The following YAF2 variants were observed in gnomAD, a reference collection of about 807,000 sequenced individuals.
YAF2 encodes the protein YY1-associated factor 2.
In YAF2, 7 loss-of-function variants were observed where a neutral mutation model predicts 20.1. That is an observed-to-expected ratio of 0.35 (90% confidence interval 0.20 to 0.65). The LOEUF (loss-of-function observed/expected upper bound fraction) is 0.65. Ranked by LOEUF, YAF2 falls within the 30% of genes least tolerant of loss-of-function variation. The pLI is 0.69. For synonymous variants in YAF2, 74 were observed against 76.0 expected, an observed-to-expected ratio of 0.97 and a Z score of 0.14; for missense variants, 151 against 219.2, an observed-to-expected ratio of 0.69 and a Z score of 1.96.
intron 2 of YAF2, among the ~76,000 whole-genome samples, chr12:42,187,452 AT>A (rs1246813809): frequency 1.3e-5 from 2 of 151,966 alleles, no homozygotes; most frequent in Non-Finnish European, 2.9e-5. Flanking sequence ...CCTTGTTTTT[AT>A]TATTGAAGAT....
chr12:42,171,591 A>T (rs908764962), intron 2 of YAF2, among the ~76,000 whole-genome samples: 1 of 152,160 alleles, frequency 6.6e-6, no homozygotes, highest in African/African-American at 2.4e-5. Flanking sequence ...CTTGCCTATG[A>T]TTCTTACAGA....
intron 2 of YAF2, chr12:42,235,956 G>T (rs1043117535): frequency 6.5e-7 from 1 of 1,535,944 alleles, no homozygotes; most frequent in African/African-American, 1.4e-5. Flanking sequence ...CCCAAGACTG[G>T]CTGTGGAGTA....
intron 2 of YAF2, among the ~76,000 whole-genome samples, chr12:42,163,741 A>G (rs909869849): frequency 6.6e-6 from 1 of 152,218 alleles, no homozygotes; most frequent in South Asian, 2.1e-4. Flanking sequence ...TAGTTCAATT[A>G]TTCAAATAAA....
At chr12:42,171,289 C>A (rs1270127739) in intron 2 of YAF2, among the ~76,000 whole-genome samples, 4 of 152,156 alleles carry the variant, frequency 2.6e-5, no homozygotes, top group African/African-American at 9.7e-5. Flanking sequence ...CCACACCCAG[C>A]CAGAACTGTT....
intron 2 of YAF2, among the ~76,000 whole-genome samples, chr12:42,180,509 T>C (rs1362890661): frequency 6.6e-6 from 1 of 152,210 alleles, no homozygotes; most frequent in African/African-American, 2.4e-5. Context: ...TATCAGGAGA[T>C]CCTGAATCAG....
At chr12:42,237,794 G>C in intron 1 of YAF2, 70 bp from the exon 2 acceptor site, 3 of 1,164,220 alleles carry the variant, frequency 2.6e-6, no homozygotes, top group Non-Finnish European at 3.2e-6. Context: ...CCCGGGCCCC[G>C]CGGCCGCCCC....
intron 2 of YAF2, among the ~76,000 whole-genome samples, chr12:42,202,118 GA>G (rs1388411870): frequency 3.3e-5 from 5 of 151,764 alleles, no homozygotes. Flanking sequence ...CCCCCATCTA[GA>G]AAACCAATTC....
At chr12:42,230,577 C>T (rs2067956954) in intron 2 of YAF2, among the ~76,000 whole-genome samples, 1 of 152,022 alleles carries the variant, frequency 6.6e-6, no homozygotes, top group Admixed American at 6.6e-5. Flanking sequence ...ACCAATTTGT[C>T]CAATAGTTCA....
intron 2 of YAF2, among the ~76,000 whole-genome samples, chr12:42,170,501 T>C (rs1389452041): frequency 6.6e-6 from 1 of 152,204 alleles, no homozygotes; most frequent in Non-Finnish European, 1.5e-5. Flanking sequence ...AAGAGTTCCA[T>C]TTGTTTCCTC....
chr12:42,209,549 G>C (rs2067144771), intron 2 of YAF2, among the ~76,000 whole-genome samples: 1 of 119,402 alleles, frequency 8.4e-6, no homozygotes, highest in Admixed American at 1.1e-4. Context: ...GGGCGATAGA[G>C]CCAGACTTTG....
At chr12:42,196,503 AAAAT>A (rs529299594) in intron 2 of YAF2, among the ~76,000 whole-genome samples, 2 of 152,210 alleles carry the variant, frequency 1.3e-5, no homozygotes, top group Non-Finnish European at 2.9e-5. Context: ...CATAATAAAG[AAAAT>A]AAATAAAGTT....
At chr12:42,179,385 G>A (rs569399154) in intron 2 of YAF2, among the ~76,000 whole-genome samples, 10 of 152,202 alleles carry the variant, frequency 6.6e-5, no homozygotes, top group Non-Finnish European at 1.0e-4. Context: ...CAGGAGAATC[G>A]CTTGAACCCA....
chr12:42,168,399 C>G (rs777018261), intron 2 of YAF2, among the ~76,000 whole-genome samples: 1 of 151,952 alleles, frequency 6.6e-6, no homozygotes. Flanking sequence ...TTAGGCTCGT[C>G]TTGAACTCCT....
chr12:42,194,731 T>A (rs991627982), intron 2 of YAF2, among the ~76,000 whole-genome samples: 1 of 152,216 alleles, frequency 6.6e-6, no homozygotes, highest in Non-Finnish European at 1.5e-5. Flanking sequence ...TAATAAACAT[T>A]TACTAAATAC....
At position 42,160,396 on chromosome 12, in the gene YAF2, T is replaced by C. The variant is rs1380074155; in HGVS notation, c.*193A>G. On this transcript the variant is annotated 3_prime_UTR_variant, in exon 4 of 4. Transcript: ENST00000534854. The stretch of plus-strand genomic sequence containing the variant: ...GCACTTAACTGCAGAGACCAAAATG[T>C]TAAGTCTGGAAATGTTTGGTAGGCA... 1.8e-6 allele frequency: 1 copy of C among 560,048 alleles called. No individual in the cohort carries two copies. The highest frequency in any genetic ancestry group is 1.9e-5 in the African/African-American group (1 of 53,040). The allele number at this position is 560,048 out of a possible 1,614,324, so 34.7% of individuals were successfully genotyped here.
chr12:42,196,027 G>C lies in YAF2; in HGVS notation c.153-34262C>G, dbSNP rs148155353. On this transcript the variant is annotated intron_variant, in intron 2 of 3. Coordinates refer to ENST00000534854, the MANE Select transcript of YAF2 (RefSeq NM_005748.6). ...ACCTGAGGTCAGGAGTTGGAGACCA[G>C]CCTGGCCAACATGGTGAAACCCCAT... Among the ~76,000 whole-genome samples, 1,384 of 151,918 alleles carry C rather than the reference G, an allele frequency of 9.1e-3. 19 individuals are homozygous for C. The highest frequency in any genetic ancestry group is 0.031 in the African/African-American group (1,267 of 41,400).
intron 2 of YAF2, chr12:42,235,610 T>C: frequency 1.4e-6 from 2 of 1,475,366 alleles, no homozygotes; most frequent in Non-Finnish European, 1.8e-6. Flanking sequence ...TGTAGAACAC[T>C]TACTTTCAGG....
At chr12:42,218,146 C>T (rs1592028673) in intron 2 of YAF2, among the ~76,000 whole-genome samples, 1 of 148,714 alleles carries the variant, frequency 6.7e-6, no homozygotes, top group Admixed American at 6.8e-5. Flanking sequence ...CTGGTAAGGT[C>T]CAAATTTTTA....
intron 2 of YAF2, among the ~76,000 whole-genome samples, chr12:42,194,798 T>C (rs1336831250): frequency 1.3e-5 from 2 of 152,182 alleles, no homozygotes; most frequent in Non-Finnish European, 2.9e-5. Context: ...TCATGAAATA[T>C]ACATTCTGGT....
Sources: allele counts gnomAD v4.1 joint callset (sites outside exome capture counted in the v4.1 genomes callset), GRCh38; gene constraint gnomAD v4.1.1; transcripts MANE v1.5; gene names NCBI Gene and HGNC (gene_info 2026-07-23, HGNC 2026-07-21).